The following KCNIP4 variants were observed in gnomAD, a reference collection of about 807,000 sequenced individuals.
KCNIP4 encodes potassium voltage-gated channel interacting protein 4, also known as Kv channel-interacting protein 4.
In KCNIP4, 12 loss-of-function variants were observed where a neutral mutation model predicts 34.0. The ratio of observed to expected loss-of-function variants is 0.35; its 90% CI spans 0.23 to 0.57. The LOEUF (loss-of-function observed/expected upper bound fraction) is 0.57, where lower values mean the gene tolerates loss of function less well. Ranked by LOEUF, KCNIP4 falls within the 20% of genes least tolerant of loss-of-function variation. The probability of loss-of-function intolerance (pLI) is 0.83; values close to 1 mark genes in which losing one functional copy is unlikely to be tolerated. For synonymous variants in KCNIP4, 124 were observed against 102.2 expected, an observed-to-expected ratio of 1.21 and a Z score of -1.29; for missense variants, 238 against 311.7, an observed-to-expected ratio of 0.76 and a Z score of 1.78.
chr4:21,663,740 G>C lies in KCNIP4; in HGVS notation c.61+284831C>G, dbSNP rs146474588. 2.6e-3 allele frequency among the ~76,000 whole-genome samples: 397 copies of C among 152,276 alleles called. 1 individual carries two copies. Among genetic ancestry groups the C allele is most frequent in the African/African-American group, 8.7e-3 (362 of 41,558 alleles). ...ACACTCTGGGACATCCTTTCAGCAAGTCCATTCCAGAGGAGTTTGACATCT... is the reference window on the plus strand; with the variant it reads ...ACACTCTGGGACATCCTTTCAGCAACTCCATTCCAGAGGAGTTTGACATCT... On this transcript the variant is annotated intron_variant, in intron 1 of 8. Coordinates refer to ENST00000382152, the MANE Select transcript of KCNIP4 (RefSeq NM_025221.6).
At chr4:21,037,924 T>G (rs912131732) in intron 1 of KCNIP4, among the ~76,000 whole-genome samples, 1 of 152,002 alleles carries the variant, frequency 6.6e-6, no homozygotes, top group Admixed American at 6.6e-5. Flanking sequence ...ATAATTAGTT[T>G]TATAAACTAG....
At chr4:21,588,061 GT>G (rs1449790008) in intron 1 of KCNIP4, among the ~76,000 whole-genome samples, 1 of 151,966 alleles carries the variant, frequency 6.6e-6, no homozygotes, top group African/African-American at 2.4e-5. Flanking sequence ...CCCCTTTGAA[GT>G]CAAATAGTAA....
intron 2 of KCNIP4, among the ~76,000 whole-genome samples, chr4:20,875,312 T>A (rs1311797137): frequency 1.3e-5 from 2 of 152,342 alleles, no homozygotes; most frequent in African/African-American, 4.8e-5. Flanking sequence ...CCTACTCCCA[T>A]GCCTCTTGCT....
chr4:21,061,051 C>T (rs938061460), intron 1 of KCNIP4, among the ~76,000 whole-genome samples: 1 of 151,942 alleles, frequency 6.6e-6, no homozygotes, highest in African/African-American at 2.4e-5. Context: ...CATTTTATTC[C>T]CAGTAGGAAA....
At chr4:20,933,733 G>A (rs1364909554) in intron 1 of KCNIP4, among the ~76,000 whole-genome samples, 1 of 120,118 alleles carries the variant, frequency 8.3e-6, no homozygotes, top group Non-Finnish European at 1.8e-5. Context: ...ACCACGTCTA[G>A]CTGAAAAAGA....
chr4:21,057,081 G>A (rs1743475174), intron 1 of KCNIP4, among the ~76,000 whole-genome samples: 1 of 152,012 alleles, frequency 6.6e-6, no homozygotes, highest in Non-Finnish European at 1.5e-5. Flanking sequence ...GTATCTATGT[G>A]GGAACTAATT....
At chr4:21,147,280 T>G (rs1752429483) in intron 1 of KCNIP4, among the ~76,000 whole-genome samples, 1 of 152,054 alleles carries the variant, frequency 6.6e-6, no homozygotes, top group African/African-American at 2.4e-5. Flanking sequence ...ATAACTTCCC[T>G]CTTCACTCCT....
At chr4:21,051,329 C>G (rs184212922) in intron 1 of KCNIP4, among the ~76,000 whole-genome samples, 1 of 152,278 alleles carries the variant, frequency 6.6e-6, no homozygotes, top group Non-Finnish European at 1.5e-5. Context: ...AGAGAAAAAC[C>G]TCTTTCCTGT....
chr4:21,632,186 T>C (rs901037437), intron 1 of KCNIP4, among the ~76,000 whole-genome samples: 7 of 152,134 alleles, frequency 4.6e-5, no homozygotes, highest in African/African-American at 1.4e-4. Flanking sequence ...ACACTTTAGT[T>C]TTCTACCACC....
chr4:20,868,030 A>G (rs1346018495), intron 2 of KCNIP4, among the ~76,000 whole-genome samples: 1 of 152,090 alleles, frequency 6.6e-6, no homozygotes, highest in Non-Finnish European at 1.5e-5. Flanking sequence ...ATAATAAAAA[A>G]AAGAAGCTAT....
At chr4:20,898,093 T>C (rs949411572) in intron 1 of KCNIP4, among the ~76,000 whole-genome samples, 1 of 152,078 alleles carries the variant, frequency 6.6e-6, no homozygotes, top group African/African-American at 2.4e-5. Context: ...GTTCCCTCTC[T>C]TCCTCAGCTG....
At chr4:21,932,679 T>C (rs1279491971) in intron 1 of KCNIP4, among the ~76,000 whole-genome samples, 3 of 152,034 alleles carry the variant, frequency 2.0e-5, no homozygotes, top group African/African-American at 7.2e-5. Flanking sequence ...TGCCTTAATT[T>C]AAAGGTCAGA....
intron 1 of KCNIP4, among the ~76,000 whole-genome samples, chr4:21,120,689 G>A (rs75103631): frequency 0.022 from 3,400 of 152,178 alleles, 84 homozygotes; most frequent in African/African-American, 0.058. Context: ...GAGGGAAACC[G>A]CCCTCACAAT....
intron 1 of KCNIP4, among the ~76,000 whole-genome samples, chr4:21,453,066 T>C (rs1438845554): frequency 6.6e-6 from 1 of 152,130 alleles, no homozygotes; most frequent in African/African-American, 2.4e-5. Context: ...CCAGTCATTT[T>C]AGAACTACAG....
At chr4:21,604,613 C>T (rs992744277) in intron 1 of KCNIP4, among the ~76,000 whole-genome samples, 1 of 152,026 alleles carries the variant, frequency 6.6e-6, no homozygotes, top group Non-Finnish European at 1.5e-5. Context: ...TGAAAAATAA[C>T]CCTCATTAAT....
At chr4:20,838,039 G>A (rs1159861549) in intron 3 of KCNIP4, among the ~76,000 whole-genome samples, 1 of 151,964 alleles carries the variant, frequency 6.6e-6, no homozygotes, top group Non-Finnish European at 1.5e-5. Flanking sequence ...AAATAAAGAA[G>A]AGTAATGCTG....
At chr4:21,364,243 C>G (rs1560330855) in intron 1 of KCNIP4, among the ~76,000 whole-genome samples, 2 of 152,094 alleles carry the variant, frequency 1.3e-5, no homozygotes, top group African/African-American at 4.8e-5. Flanking sequence ...TACGCATTTG[C>G]TCTTACACCT....
At chr4:21,340,465 T>A (rs1181197292) in intron 1 of KCNIP4, among the ~76,000 whole-genome samples, 1 of 152,180 alleles carries the variant, frequency 6.6e-6, no homozygotes, top group Non-Finnish European at 1.5e-5. Flanking sequence ...ATTTATGTTA[T>A]GTCTGATTTG....
chr4:20,849,861 G>A (rs965574904), intron 3 of KCNIP4, among the ~76,000 whole-genome samples: 1 of 152,156 alleles, frequency 6.6e-6, no homozygotes, highest in Non-Finnish European at 1.5e-5. Context: ...TATCTTCTCT[G>A]GCTTTTGAAT....
Sources: gnomAD v4.1 joint callset for allele counts (sites outside exome capture counted in the v4.1 genomes callset) on GRCh38, gnomAD v4.1.1 for gene constraint, MANE v1.5 for transcripts, NCBI Gene and HGNC (gene_info 2026-07-23, HGNC 2026-07-21) for gene names.